DGCR2: variants seen among roughly 807,000 people sequenced by gnomAD.
DGCR2 encodes the protein integral membrane protein DGCR2/IDD.
In DGCR2, 24 loss-of-function variants were observed where a neutral mutation model predicts 51.6. That is an observed-to-expected ratio of 0.47 (90% confidence interval 0.34 to 0.65). DGCR2 has a LOEUF of 0.65. Among genes scored for constraint, DGCR2 ranks in the 30% least tolerant of loss-of-function variants. The pLI, the probability that DGCR2 is intolerant of heterozygous loss-of-function variation, is 0.01. For synonymous variants in DGCR2, 340 were observed against 315.4 expected (o/e 1.08, Z -0.82); for missense variants, 765 against 772.1 (o/e 0.99, Z 0.11).
chr22:19,082,245 T>C lies in DGCR2; in HGVS notation c.202+7123A>G, dbSNP rs527510634. ...TTCTTTTTTTTTTTTTTTTTTTTTT[T>C]CATAGAGACAGGATTTCACCACGTT... On this transcript the variant is annotated intron_variant, in intron 2 of 9. Transcript: ENST00000263196. Among the ~76,000 whole-genome samples the C allele has an allele frequency of 2.4e-3, 354 of 147,344 alleles. 1 individual carries two copies. The highest frequency in any genetic ancestry group is 7.9e-3 in the African/African-American group (318 of 40,050).
In DGCR2 at chr22:19,039,073, T is replaced by C; in HGVS notation, c.1445A>G (p.Asp482Gly). ...PVEVSLPAPG[D>G]GGSEGALLRR... is the part of the protein sequence containing the mutation. Reference sequence around the variant, plus strand: ...GAGTAATGCACCTTCACTCCCACCATCCCCAGGGGCTGGCAGGCTGACCTC... The same window carrying C: ...GAGTAATGCACCTTCACTCCCACCACCCCCAGGGGCTGGCAGGCTGACCTC... Residue 482 changes from aspartate (D) to glycine (G), a missense_variant, in exon 10 of 10, where the codon GAT becomes GGT. This residue lies in a region of DGCR2 where 205 missense variants were observed against 181.4 expected (regional missense o/e 1.13). Coordinates refer to ENST00000263196, the MANE Select transcript of DGCR2 (RefSeq NM_005137.3). 6.2e-7 allele frequency: 1 copy of C among 1,613,114 alleles called. No homozygotes were observed. The highest frequency in any genetic ancestry group is 8.5e-7 in the Non-Finnish European group (1 of 1,179,962).
Position 19,041,787 on chromosome 22 carries a change from G to A in DGCR2, c.1159+20C>T, listed in dbSNP as rs376767679. ...GGGTGGGGATGGGGACCAGGGTTGT[G>A]GCCCTCAGAGGGCACTTACAGTTTG... On this transcript the variant is annotated intron_variant, in intron 8 of 9. Transcript: ENST00000263196. 3 of 1,607,918 alleles carry A rather than the reference G, an allele frequency of 1.9e-6. No individual in the cohort carries two copies. Among genetic ancestry groups the A allele is most frequent in the Non-Finnish European group, 2.5e-6 (3 of 1,177,736 alleles).
chr22:19,041,415 C>G, intron 8 of DGCR2, 121 bp from the exon 9 acceptor site: 1 of 942,324 alleles, frequency 1.1e-6, no homozygotes, highest in Non-Finnish European at 1.6e-6. Context: ...ACCTGTGCCC[C>G]GCTGCCTACC....
chr22:19,062,305 G>T lies in DGCR2; in HGVS notation c.625+897C>A, dbSNP rs184408979. 3.9e-5 allele frequency among the ~76,000 whole-genome samples: 6 copies of T among 152,286 alleles called. No individual in the cohort carries two copies. The East Asian group carries it at 1.2e-3, about 29-fold the overall frequency. ...TGGCCCCAGTCTGCTGGGCTCTGCAGCCCCCACCTCTGCTCCTGCCCTGTC... is the reference window on the plus strand; with the variant it reads ...TGGCCCCAGTCTGCTGGGCTCTGCATCCCCCACCTCTGCTCCTGCCCTGTC... On this transcript the variant is annotated intron_variant, in intron 5 of 9. Transcript: ENST00000263196.
intron 9 of DGCR2, among the ~76,000 whole-genome samples, chr22:19,039,769 C>T (rs566902422): frequency 6.6e-6 from 1 of 152,230 alleles, no homozygotes; most frequent in Non-Finnish European, 1.5e-5. Context: ...CACTGGTGTG[C>T]AGTGACGTGA....
chr22:19,061,045 T>C (rs773014166), intron 5 of DGCR2: 1 of 247,816 alleles, frequency 4.0e-6, no homozygotes, highest in Non-Finnish European at 8.3e-6. Flanking sequence ...CCTTCCACCA[T>C]CATTAGCTGA....
At chr22:19,044,804 C>A (rs369239123) in intron 7 of DGCR2, among the ~76,000 whole-genome samples, 18 of 152,352 alleles carry the variant, frequency 1.2e-4, no homozygotes, top group African/African-American at 3.4e-4. Context: ...TTTACATCTT[C>A]TTCTAAAGCC....
At chr22:19,075,354 G>A (rs1330951936) in intron 2 of DGCR2, among the ~76,000 whole-genome samples, 4 of 152,146 alleles carry the variant, frequency 2.6e-5, no homozygotes, top group Non-Finnish European at 5.9e-5. Context: ...GGCTGAGGCA[G>A]GACAATGGCG....
At chr22:19,076,723 C>CTTTTTTTTTT (rs1228247995) in intron 2 of DGCR2, among the ~76,000 whole-genome samples, 1 of 118,756 alleles carries the variant, frequency 8.4e-6, no homozygotes, top group Non-Finnish European at 1.8e-5. Flanking sequence ...GTCCTTTGCA[C>CTTTTTTTTTT]ATTTTTTTTT....
chr22:19,108,569 T>TAAAAAAA (rs55803042), intron 1 of DGCR2, among the ~76,000 whole-genome samples: 50 of 90,764 alleles, frequency 5.5e-4, no homozygotes, highest in African/African-American at 1.3e-3. Context: ...AGAATTTATC[T>TAAAAAAA]AAAAAAAAAA....
rs536436045 is a variant in DGCR2, at chr22:19,084,448, C to T, written c.202+4920G>A. Among the ~76,000 whole-genome samples, 1,407 of 150,116 alleles carry T rather than the reference C, an allele frequency of 9.4e-3. 41 individuals are homozygous for T. Among genetic ancestry groups the T allele is most frequent in the South Asian group, 0.036 (166 of 4,578 alleles). On this transcript the variant is annotated intron_variant, in intron 2 of 9. Coordinates refer to ENST00000263196, the MANE Select transcript of DGCR2 (RefSeq NM_005137.3). ...GTGAGGAGCCCCTCCGCCCGGCAGC[C>T]GCCCCGTCTGAGAAGTGAGGGGCCC...
chr22:19,118,374 C>CAAAA (rs923572855), intron 1 of DGCR2, among the ~76,000 whole-genome samples: 3,818 of 51,042 alleles, frequency 0.075, no homozygotes, highest in Non-Finnish European at 0.091. Flanking sequence ...CCATCGCAAA[C>CAAAA]AAAAAAAAAA....
chr22:19,039,070 C>T lies in DGCR2; in HGVS notation c.1448G>A (p.Gly483Asp). Residue 483 changes from glycine to aspartate, a missense_variant, in exon 10 of 10, where the codon GGT becomes GAT. Transcript: ENST00000263196. ...VEVSLPAPGDGGSEGALLRRL... is the reference protein window; with the variant it reads ...VEVSLPAPGDDGSEGALLRRL... ...CCGGAGTAATGCACCTTCACTCCCA[C>T]CATCCCCAGGGGCTGGCAGGCTGAC... 6.2e-7 allele frequency: 1 copy of T among 1,613,298 alleles called. No homozygotes were observed.
At chr22:19,078,368 G>C (rs746881016) in intron 2 of DGCR2, among the ~76,000 whole-genome samples, 1 of 147,342 alleles carries the variant, frequency 6.8e-6, no homozygotes, top group Non-Finnish European at 1.5e-5. Context: ...TCAGATAGCT[G>C]AGTTAGTGTA....
intron 4 of DGCR2, 123 bp downstream of exon 4, chr22:19,064,725 T>C (rs2082727931): frequency 1.1e-6 from 1 of 911,070 alleles, no homozygotes; most frequent in South Asian, 1.5e-5. Context: ...TGGGCGAGGC[T>C]GGTCTTCCCA....
intron 6 of DGCR2, among the ~76,000 whole-genome samples, chr22:19,054,290 A>G (rs2082578690): frequency 6.6e-6 from 1 of 152,256 alleles, no homozygotes; most frequent in Non-Finnish European, 1.5e-5. Context: ...GATTCAGAAG[A>G]AACATGTAGA....
At chr22:19,088,491 C>T (rs1481894070) in intron 2 of DGCR2, among the ~76,000 whole-genome samples, 1 of 152,164 alleles carries the variant, frequency 6.6e-6, no homozygotes, top group Non-Finnish European at 1.5e-5. Context: ...GCACAAGAAA[C>T]AGCCCAGCTG....
At chr22:19,040,005 C>T in intron 9 of DGCR2, among the ~76,000 whole-genome samples, 1 of 152,172 alleles carries the variant, frequency 6.6e-6, no homozygotes, top group Non-Finnish European at 1.5e-5. Context: ...AGCCACTGCG[C>T]CTGGGCTGCC....
chr22:19,077,987 C>A (rs984496227), intron 2 of DGCR2, among the ~76,000 whole-genome samples: 10 of 152,262 alleles, frequency 6.6e-5, no homozygotes, highest in Admixed American at 6.5e-4. Flanking sequence ...CCTCACCACA[C>A]CCAGCTAAGT....
Sources: allele counts gnomAD v4.1 joint callset (sites outside exome capture counted in the v4.1 genomes callset), GRCh38; gene constraint gnomAD v4.1.1; regional missense constraint gnomAD v4.1.1; transcripts MANE v1.5; gene names NCBI Gene and HGNC (gene_info 2026-07-23, HGNC 2026-07-21).